The following RB1CC1 variants were observed in gnomAD, a reference collection of about 807,000 sequenced individuals.
RB1CC1 encodes RB1 inducible coiled-coil 1, also known as RB1-inducible coiled-coil protein 1.
A neutral mutation model predicts 177.5 loss-of-function variants in RB1CC1; 46 were observed. That is an observed-to-expected ratio of 0.26 (90% confidence interval 0.20 to 0.33). RB1CC1 has a LOEUF of 0.33. Ranked by LOEUF, RB1CC1 falls within the 10% of genes least tolerant of loss-of-function variation. The pLI is 1.00. For synonymous variants in RB1CC1, 666 were observed against 613.6 expected, an observed-to-expected ratio of 1.09 and a Z score of -1.26; for missense variants, 1,703 against 1,816.3, an observed-to-expected ratio of 0.94 and a Z score of 1.13.
intron 12 of RB1CC1, among the ~76,000 whole-genome samples, chr8:52,659,659 T>C (rs1191619081): frequency 6.6e-6 from 1 of 152,212 alleles, no homozygotes; most frequent in Non-Finnish European, 1.5e-5. Flanking sequence ...AAAAAATGCA[T>C]ACATTTAAAA....
At position 52,684,031 on chromosome 8, in the gene RB1CC1, A is replaced by C. The variant is rs769419719; in HGVS notation, c.72-18T>G. On this transcript the variant is annotated intron_variant, in intron 3 of 23. Coordinates refer to ENST00000025008, the MANE Select transcript of RB1CC1 (RefSeq NM_014781.5). ...CTGCCACACTTCAAAAAATGAAATA[A>C]AATAAATCAGTTGTTTATATTTGCC... is the stretch of plus-strand genomic sequence containing the variant. 1.2e-6 allele frequency: 2 copies of C among 1,606,678 alleles called. No homozygotes were observed. Among genetic ancestry groups the C allele is most frequent in the South Asian group, 2.2e-5 (2 of 90,288 alleles).
intron 11 of RB1CC1, 94 bp downstream of exon 11, chr8:52,660,831 TA>T (rs1851549909): frequency 8.7e-7 from 1 of 1,147,270 alleles, no homozygotes; most frequent in Non-Finnish European, 1.2e-6. Flanking sequence ...CAATGGCAAT[TA>T]ACAGCATATA....
Position 52,656,852 on chromosome 8 carries a change from C to T in RB1CC1, c.2977G>A (p.Asp993Asn). The change falls in exon 15 of 24, where the codon GAC becomes AAC. Residue 993 changes from aspartate to asparagine, a missense_variant. Physicochemically the swap from Asp to Asn is conservative, Grantham distance 23. Coordinates refer to ENST00000025008, the MANE Select transcript of RB1CC1 (RefSeq NM_014781.5). ...TGTATGTGCCTAACCTGAAGTGTGT[C>T]CTCTAATTCCTTTAGATGACTTTGC... ...LEQSHLKELE[D>N]TLQVRHIQEF... is the part of the protein sequence containing the mutation. 2.5e-6 allele frequency: 4 copies of T among 1,613,616 alleles called. No homozygotes were observed. Among genetic ancestry groups the T allele is most frequent in the Non-Finnish European group, 2.5e-6 (3 of 1,179,974 alleles).
At chr8:52,654,078 G>GA (rs1038751608) in intron 15 of RB1CC1, among the ~76,000 whole-genome samples, 2 of 152,208 alleles carry the variant, frequency 1.3e-5, no homozygotes, top group African/African-American at 4.8e-5. Context: ...GTCCTGTCCA[G>GA]AAGACATGGA....
chr8:52,656,387 ATTC>A lies in RB1CC1; in HGVS notation c.3439_3441del (p.Glu1147del). ...TTTAATTCAGCTTTAAGTATATTAGATTCTTCTTCATGTCTACTAATTAACTCG... is the reference window on the plus strand; with the variant it reads ...TTTAATTCAGCTTTAAGTATATTAGATTCTTCATGTCTACTAATTAACTCG... On this transcript the variant is annotated inframe_deletion, in exon 15 of 24. Transcript: ENST00000025008. 1 of 1,610,486 alleles carries A rather than the reference ATTC, an allele frequency of 6.2e-7. No individual in the cohort carries two copies. The highest frequency in any genetic ancestry group is 8.5e-7 in the Non-Finnish European group (1 of 1,179,154).
Position 52,642,828 on chromosome 8 carries a change from A to T in RB1CC1, c.3988-16T>A. 1.3e-6 allele frequency: 2 copies of T among 1,511,066 alleles called. No individual in the cohort carries two copies. Among genetic ancestry groups the T allele is most frequent in the Non-Finnish European group, 1.8e-6 (2 of 1,137,732 alleles). The allele number at this position is 1,511,066 out of a possible 1,614,324, so 93.6% of individuals were successfully genotyped here. A position where few individuals can be genotyped will look rare whatever the true frequency, so the allele number is the denominator to read the frequency against. On this transcript the variant is annotated splice_polypyrimidine_tract_variant and intron_variant, in intron 16 of 23. Transcript: ENST00000025008. Reference sequence around the variant, plus strand: ...TAAAATTGGTCTGGAACAAGAGAATAATTATTTAAATTTATCTACATGTAC... The same window carrying T: ...TAAAATTGGTCTGGAACAAGAGAATTATTATTTAAATTTATCTACATGTAC...
chr8:52,702,186 T>C (rs1856142813), intron 1 of RB1CC1, among the ~76,000 whole-genome samples: 1 of 152,212 alleles, frequency 6.6e-6, no homozygotes, highest in Non-Finnish European at 1.5e-5. Context: ...ATAAAGCTGG[T>C]CAGATTTTAA....
At chr8:52,641,885 GA>G (rs560801329) in intron 18 of RB1CC1, among the ~76,000 whole-genome samples, 36 of 152,080 alleles carry the variant, frequency 2.4e-4, no homozygotes, top group Non-Finnish European at 4.0e-4. Context: ...GAACTGGTAA[GA>G]AAGTTCTAAA....
intron 1 of RB1CC1, among the ~76,000 whole-genome samples, chr8:52,711,256 G>A (rs942940454): frequency 2.0e-5 from 3 of 152,074 alleles, no homozygotes; most frequent in African/African-American, 7.2e-5. Context: ...CAACAGAACC[G>A]GAACTTTACA....
intron 1 of RB1CC1, among the ~76,000 whole-genome samples, chr8:52,710,081 G>T (rs1039266869): frequency 4.6e-5 from 7 of 152,188 alleles, no homozygotes; most frequent in African/African-American, 1.7e-4. Flanking sequence ...ACGGGCTACT[G>T]CATCAATGGA....
intron 5 of RB1CC1, among the ~76,000 whole-genome samples, chr8:52,680,770 C>CAT (rs1853623109): frequency 6.6e-6 from 1 of 152,124 alleles, no homozygotes; most frequent in African/African-American, 2.4e-5. Flanking sequence ...TCAGGAACAT[C>CAT]ATGTTGCGTA....
intron 1 of RB1CC1, among the ~76,000 whole-genome samples, chr8:52,690,378 A>G (rs1854726978): frequency 1.3e-5 from 2 of 152,234 alleles, no homozygotes; most frequent in African/African-American, 4.8e-5. Context: ...CTGTGGGGGA[A>G]AAAACAGACA....
chr8:52,654,098 T>C (rs1020983571), intron 15 of RB1CC1, among the ~76,000 whole-genome samples: 5 of 152,188 alleles, frequency 3.3e-5, no homozygotes, highest in African/African-American at 1.2e-4. Context: ...AGACAAACAA[T>C]GGATTTTAAT....
chr8:52,689,100 C>T (rs747511488), intron 1 of RB1CC1, among the ~76,000 whole-genome samples: 3 of 152,176 alleles, frequency 2.0e-5, no homozygotes. Context: ...ACTATCTATC[C>T]AATCCCTCTG....
chr8:52,642,748 C>G lies in RB1CC1; in HGVS notation c.4052G>C (p.Ser1351Thr), dbSNP rs778191633. The change falls in exon 17 of 24, where the codon AGT (serine) becomes ACT (threonine). Residue 1351 changes from serine (S) to threonine (T), a missense_variant. By Grantham distance (58) the Ser-to-Thr change is moderately conservative. Transcript: ENST00000025008. ...CTGCATTGTACTTTTCAACTTATCACTAAGATCATTTATTATGTTTTCTTT... is the reference window on the plus strand; with the variant it reads ...CTGCATTGTACTTTTCAACTTATCAGTAAGATCATTTATTATGTTTTCTTT... ...MRKENIINDL[S>T]DKLKSTMQQQ... 3.8e-6 allele frequency: 6 copies of G among 1,584,048 alleles called. No individual in the cohort carries two copies. Among genetic ancestry groups the G allele is most frequent in the African/African-American group, 1.4e-5 (1 of 73,188 alleles).
intron 1 of RB1CC1, among the ~76,000 whole-genome samples, chr8:52,704,787 A>G (rs933076567): frequency 9.9e-5 from 15 of 152,208 alleles, no homozygotes; most frequent in Admixed American, 2.6e-4. Flanking sequence ...TCAAGGAATT[A>G]TAAAGTAACT....
intron 23 of RB1CC1, 91 bp from the exon 24 acceptor site, chr8:52,623,950 G>A (rs201540752): frequency 2.4e-6 from 2 of 822,654 alleles, no homozygotes; most frequent in South Asian, 1.5e-5. Flanking sequence ...AAAACAAAAA[G>A]AAACAAAAAA....
intron 15 of RB1CC1, among the ~76,000 whole-genome samples, chr8:52,653,353 T>C (rs944579152): frequency 1.3e-5 from 2 of 152,222 alleles, no homozygotes; most frequent in Middle Eastern, 3.4e-3. Context: ...ACCAGAAACA[T>C]AATGTGGCTC....
intron 18 of RB1CC1, among the ~76,000 whole-genome samples, chr8:52,640,600 G>A (rs757096528): frequency 2.0e-5 from 3 of 151,938 alleles, no homozygotes; most frequent in Admixed American, 6.6e-5. Context: ...TAAACTTTCT[G>A]TATCATTTGG....
Sources: gnomAD v4.1 joint callset for allele counts (sites outside exome capture counted in the v4.1 genomes callset) on GRCh38, gnomAD v4.1.1 for gene constraint, MANE v1.5 for transcripts, NCBI Gene and HGNC (gene_info 2026-07-23, HGNC 2026-07-21) for gene names.